Variants in CDH13 observed in about 807,000 individuals in gnomAD.
CDH13 encodes cadherin-13.
A neutral mutation model predicts 63.8 loss-of-function variants in CDH13; 24 were observed. The observed-to-expected ratio is 0.38, with a 90% CI of 0.27 to 0.53. The LOEUF is 0.53. CDH13 is among the 20% of genes least tolerant of loss of function. The pLI, the probability that CDH13 is intolerant of heterozygous loss-of-function variation, is 0.85. For missense variants in CDH13, 1,049 were observed against 903.1 expected, an observed-to-expected ratio of 1.16 and a Z score of -2.07; for synonymous variants, 503 against 355.3, an observed-to-expected ratio of 1.42 and a Z score of -4.67.
chr16:82,866,467 C>T (rs2040149311), intron 2 of CDH13, among the ~76,000 whole-genome samples: 1 of 136,646 alleles, frequency 7.3e-6, no homozygotes, highest in Non-Finnish European at 1.5e-5. Context: ...CAGCTCACTG[C>T]AACCTCTGCC....
At position 82,868,298 on chromosome 16, in the gene CDH13, A is replaced by G. The variant is rs115033785; in HGVS notation, c.157+9825A>G. On this transcript the variant is annotated intron_variant, in intron 2 of 13. Transcript: ENST00000567109. ...TTTTTCCTATATTTAAACAGAGCTC[A>G]GTAGAAATGTTATGCTTTCACAGGT... is the stretch of plus-strand genomic sequence containing the variant. Among the ~76,000 whole-genome samples, 1,448 of 152,332 alleles carry G rather than the reference A, an allele frequency of 9.5e-3. 26 individuals are homozygous for G. The highest frequency in any genetic ancestry group is 0.033 in the African/African-American group (1,364 of 41,576).
intron 3 of CDH13, among the ~76,000 whole-genome samples, chr16:83,120,865 G>A (rs2035539033): frequency 6.8e-6 from 1 of 147,764 alleles, no homozygotes; most frequent in East Asian, 2.0e-4. Flanking sequence ...CCAGGTTCAA[G>A]TGATTCTCCT....
At chr16:82,984,854 C>T (rs1441320352) in intron 2 of CDH13, among the ~76,000 whole-genome samples, 5 of 152,142 alleles carry the variant, frequency 3.3e-5, no homozygotes, top group Non-Finnish European at 5.9e-5. Context: ...ACACTATGTG[C>T]TCCATAACTA....
intron 1 of CDH13, among the ~76,000 whole-genome samples, chr16:82,636,888 GC>G (rs1908722463): frequency 6.6e-6 from 1 of 152,194 alleles, no homozygotes. Flanking sequence ...AGGGGCTCTT[GC>G]TACCTGATAC....
chr16:82,777,640 T>A (rs1177591828), intron 1 of CDH13, among the ~76,000 whole-genome samples: 2 of 152,208 alleles, frequency 1.3e-5, no homozygotes, highest in African/African-American at 4.8e-5. Context: ...TTCCACAATT[T>A]CTGTGCAGCA....
chr16:82,681,324 C>G (rs116718929), intron 1 of CDH13, among the ~76,000 whole-genome samples: 1 of 152,084 alleles, frequency 6.6e-6, no homozygotes, highest in Non-Finnish European at 1.5e-5. Context: ...ACAGTAGATT[C>G]GTGATTGCCA....
chr16:83,189,026 A>C (rs1378723245), intron 4 of CDH13, among the ~76,000 whole-genome samples: 1 of 152,206 alleles, frequency 6.6e-6, no homozygotes, highest in Non-Finnish European at 1.5e-5. Context: ...CATTAGTAAT[A>C]TGGGCATGGT....
At chr16:83,535,096 T>C (rs920585158) in intron 7 of CDH13, among the ~76,000 whole-genome samples, 1 of 152,228 alleles carries the variant, frequency 6.6e-6, no homozygotes, top group Non-Finnish European at 1.5e-5. Context: ...GGGTCCTTTT[T>C]CAGTCTGCCA....
intron 3 of CDH13, among the ~76,000 whole-genome samples, chr16:83,096,829 T>A (rs531162465): frequency 2.6e-5 from 4 of 152,184 alleles, no homozygotes; most frequent in African/African-American, 9.6e-5. Flanking sequence ...AAAATGATGA[T>A]TTTTTTATAC....
At chr16:83,784,310 G>A (rs1189581050) in intron 13 of CDH13, among the ~76,000 whole-genome samples, 1 of 152,104 alleles carries the variant, frequency 6.6e-6, no homozygotes, top group African/African-American at 2.4e-5. Flanking sequence ...ATAAAGCTCT[G>A]TGCAAGACCA....
intron 2 of CDH13, among the ~76,000 whole-genome samples, chr16:82,869,496 A>G (rs1297859519): frequency 6.6e-6 from 1 of 152,178 alleles, no homozygotes. Context: ...TAAAATTTAT[A>G]CAGAACCCCA....
chr16:82,721,067 G>A (rs1399666118), intron 1 of CDH13, among the ~76,000 whole-genome samples: 1 of 152,190 alleles, frequency 6.6e-6, no homozygotes, highest in Non-Finnish European at 1.5e-5. Flanking sequence ...AACCAGGGAT[G>A]CAAAGTGATT....
At chr16:83,665,942 T>C (rs1913908696) in intron 8 of CDH13, among the ~76,000 whole-genome samples, 1 of 152,210 alleles carries the variant, frequency 6.6e-6, no homozygotes, top group African/African-American at 2.4e-5. Flanking sequence ...TGAATGTCTA[T>C]GATGTAAGTC....
intron 10 of CDH13, among the ~76,000 whole-genome samples, chr16:83,725,007 C>T (rs1214511573): frequency 2.0e-5 from 3 of 152,198 alleles, no homozygotes; most frequent in Non-Finnish European, 4.4e-5. Context: ...CACCACGACA[C>T]ATATGGCCTC....
chr16:83,554,691 A>T (rs1295554475), intron 7 of CDH13, among the ~76,000 whole-genome samples: 1 of 152,150 alleles, frequency 6.6e-6, no homozygotes, highest in Non-Finnish European at 1.5e-5. Context: ...ACACACGCAC[A>T]CACACAAATA....
At chr16:83,477,014 G>T (rs555029181) in intron 6 of CDH13, among the ~76,000 whole-genome samples, 1 of 152,278 alleles carries the variant, frequency 6.6e-6, no homozygotes, top group Admixed American at 6.5e-5. Context: ...AAGAAATTAG[G>T]ACAGTAAAAT....
At chr16:83,634,115 TTCTGTGTGTGTGTGTGTGTA>T (rs796679825) in intron 8 of CDH13, among the ~76,000 whole-genome samples, 6 of 135,790 alleles carry the variant, frequency 4.4e-5, no homozygotes, top group South Asian at 4.7e-4. Context: ...TTTGTGTGTT[TTCTGTGTGTGTGTGTGTGTA>T]TGTGTGTGTG....
intron 10 of CDH13, among the ~76,000 whole-genome samples, chr16:83,745,301 C>T (rs1003454338): frequency 6.6e-6 from 1 of 152,236 alleles, no homozygotes; most frequent in African/African-American, 2.4e-5. Context: ...GGTACATCCA[C>T]TTTGCAGGAC....
At position 83,190,064 on chromosome 16, in the gene CDH13, A is replaced by T. The variant is rs190497528; in HGVS notation, c.484-27281A>T. ...GTCAATTAAACCTCTTTCCTTTATA[A>T]AGTACTAAGTCTTGGGTATGTCTTT... On this transcript the variant is annotated intron_variant, in intron 4 of 13. Transcript: ENST00000567109. Among the ~76,000 whole-genome samples the T allele has an allele frequency of 4.3e-3, 662 of 152,288 alleles. 8 individuals carry two copies. Among genetic ancestry groups the T allele is most frequent in the Non-Finnish European group, 3.1e-3 (212 of 68,034 alleles).
Sources: allele counts gnomAD v4.1 joint callset (sites outside exome capture counted in the v4.1 genomes callset), GRCh38; gene constraint gnomAD v4.1.1; transcripts MANE v1.5; gene names NCBI Gene and HGNC (gene_info 2026-07-23, HGNC 2026-07-21).